Variants in AOX1 observed in about 807,000 individuals in gnomAD.
AOX1 encodes aldehyde oxidase.
Under a neutral mutation model 169.5 loss-of-function variants are expected in AOX1, and 153 were observed. That is an observed-to-expected ratio of 0.90 (90% CI 0.79 to 1.03). AOX1 has a LOEUF of 1.03. AOX1 is among the 50% of genes least tolerant of loss of function. The pLI is 0.00. For synonymous variants in AOX1, 562 were observed against 581.9 expected (o/e 0.97, Z 0.49); for missense variants, 1,656 against 1,663.9 (o/e 1.00, Z 0.08).
At chr2:200,589,703 G>A (rs922854245) in intron 1 of AOX1, among the ~76,000 whole-genome samples, 1 of 152,182 alleles carries the variant, frequency 6.6e-6, no homozygotes, top group African/African-American at 2.4e-5. Context: ...TGTTTCATTA[G>A]CAGAGCCAGA....
intron 8 of AOX1, 147 bp downstream of exon 8, chr2:200,604,244 C>A: frequency 3.1e-6 from 2 of 649,946 alleles, no homozygotes; most frequent in Non-Finnish European, 5.4e-6. Context: ...AGAGTATGGA[C>A]TAAGGAAGAG....
intron 11 of AOX1, 38 bp downstream of exon 11, chr2:200,609,173 C>G (rs202220234): frequency 6.2e-7 from 1 of 1,608,530 alleles, no homozygotes; most frequent in African/African-American, 1.3e-5. Flanking sequence ...GTATGCATCC[C>G]TTGGGTGACT....
At chr2:200,599,769 T>C (rs767820250) in intron 5 of AOX1, 23 bp downstream of exon 5, 1 of 1,444,382 alleles carries the variant, frequency 6.9e-7, no homozygotes, top group African/African-American at 1.5e-5. Context: ...TGCATGCTTT[T>C]ATTTTTTAAT....
chr2:200,615,222 G>T (rs1466514305), intron 15 of AOX1, among the ~76,000 whole-genome samples: 1 of 152,058 alleles, frequency 6.6e-6, no homozygotes, highest in African/African-American at 2.4e-5. Context: ...GCTCAAGCTG[G>T]TCTTGAACTC....
downstream of AOX1, among the ~76,000 whole-genome samples, chr2:200,673,898 C>A (rs1477963301): frequency 6.6e-6 from 1 of 152,222 alleles, no homozygotes; most frequent in Admixed American, 6.5e-5. Context: ...GGTTCTATCA[C>A]TTTTACCCCT....
At chr2:200,669,980 A>G (rs1234857621) in intron 34 of AOX1, among the ~76,000 whole-genome samples, 3 of 152,018 alleles carry the variant, frequency 2.0e-5, no homozygotes, top group Admixed American at 2.0e-4. Flanking sequence ...TTGACAAAAG[A>G]AAGTTCATTC....
chr2:200,612,675 G>C lies in AOX1; in HGVS notation c.1330G>C (p.Gly444Arg). ...GAATGCGCTAGCGATAGTCAATTCA[G>C]GAATGAGAGTCTTTTTTGGAGAAGG... Reference protein sequence around the residue: ...QENALAIVNSGMRVFFGEGDG... With the variant: ...QENALAIVNSRMRVFFGEGDG... The change falls in exon 14 of 35, where the codon GGA becomes CGA. Residue 444 changes from glycine (G) to arginine (R), a missense_variant. Gly to Arg is a moderately radical substitution (Grantham distance 125, BLOSUM62 -2). Coordinates refer to ENST00000374700, the MANE Select transcript of AOX1 (RefSeq NM_001159.4). 1 of 1,614,100 alleles carries C rather than the reference G, an allele frequency of 6.2e-7. No individual in the cohort carries two copies. Among genetic ancestry groups the C allele is most frequent in the Non-Finnish European group, 8.5e-7 (1 of 1,179,998 alleles).
At chr2:200,606,321 C>G (rs1258589932) in intron 10 of AOX1, among the ~76,000 whole-genome samples, 1 of 152,160 alleles carries the variant, frequency 6.6e-6, no homozygotes, top group Non-Finnish European at 1.5e-5. Context: ...TCTAAGGTCT[C>G]TGTTCTGTTC....
intron 4 of AOX1, among the ~76,000 whole-genome samples, chr2:200,598,406 G>C (rs1250390142): frequency 6.6e-6 from 1 of 152,056 alleles, no homozygotes; most frequent in Admixed American, 6.6e-5. Context: ...AAGTAAAAAG[G>C]CATCTTCAGA....
chr2:200,623,714 G>C, intron 18 of AOX1, 147 bp from the exon 19 acceptor site: 1 of 1,259,438 alleles, frequency 7.9e-7, no homozygotes, highest in South Asian at 1.4e-5. Context: ...TGTGGTTATA[G>C]TCATGGACAG....
At chr2:200,620,005 A>C (rs1036752331) in intron 16 of AOX1, among the ~76,000 whole-genome samples, 1 of 152,212 alleles carries the variant, frequency 6.6e-6, no homozygotes, top group African/African-American at 2.4e-5. Flanking sequence ...AAGCATTAGC[A>C]AGAGGACATA....
intron 1 of AOX1, among the ~76,000 whole-genome samples, chr2:200,590,318 GA>G (rs1450552440): frequency 6.6e-6 from 1 of 152,138 alleles, no homozygotes; most frequent in African/African-American, 2.4e-5. Flanking sequence ...CAGTGATACA[GA>G]GGGGCAGATT....
In AOX1 at chr2:200,659,979, T is replaced by C; in HGVS notation, c.3301-16T>C. 6.2e-7 allele frequency: 1 copy of C among 1,602,616 alleles called. No individual in the cohort carries two copies. The highest frequency in any genetic ancestry group is 1.1e-5 in the South Asian group (1 of 90,206). On this transcript the variant is annotated splice_polypyrimidine_tract_variant and intron_variant, in intron 28 of 34. Coordinates refer to ENST00000374700, the MANE Select transcript of AOX1 (RefSeq NM_001159.4). ...TGAAATTAGGAGCATAATTTTAATT[T>C]AAAAATAATCTCTAGGATGCCTGTC...
Position 200,609,112 on chromosome 2 carries a change from G to C in AOX1, c.1036G>C (p.Gly346Arg), listed in dbSNP as rs35128788. Residue 346 changes from glycine (G) to arginine (R), a missense_variant, in exon 11 of 35, where the codon GGG becomes CGG. Coordinates refer to ENST00000374700, the MANE Select transcript of AOX1 (RefSeq NM_001159.4). ...CCTGAAGCATTTGGGAACTCTGGCTGGGTCCCAGATCAGGAACATGGCTGT... is the reference window on the plus strand; with the variant it reads ...CCTGAAGCATTTGGGAACTCTGGCTCGGTCCCAGATCAGGAACATGGCTGT... The part of the protein sequence containing the change: ...ALLKHLGTLA[G>R]SQIRNMASLG... The C allele has an allele frequency of 5.6e-6, 9 of 1,614,040 alleles. No individual in the cohort carries two copies. In the East Asian group the frequency reaches 2.0e-4, roughly 36 times the overall value.
chr2:200,628,740 C>A (rs949812253), intron 20 of AOX1, among the ~76,000 whole-genome samples: 3 of 152,062 alleles, frequency 2.0e-5, no homozygotes, highest in African/African-American at 7.2e-5. Context: ...ACCAGCCTGG[C>A]CAAAATGGCA....
intron 3 of AOX1, among the ~76,000 whole-genome samples, chr2:200,596,957 A>G (rs1319950496): frequency 6.6e-6 from 1 of 152,040 alleles, no homozygotes; most frequent in Admixed American, 6.6e-5. Context: ...CAGTTCTTTA[A>G]TGTTTAACTT....
At chr2:200,638,345 A>C in intron 23 of AOX1, 43 bp downstream of exon 23, 1 of 1,567,116 alleles carries the variant, frequency 6.4e-7, no homozygotes, top group Non-Finnish European at 8.8e-7. Context: ...TGTTGTAGAT[A>C]CAACATCCTA....
chr2:200,676,122 C>A (rs1007229847), downstream of AOX1, among the ~76,000 whole-genome samples: 2 of 151,900 alleles, frequency 1.3e-5, no homozygotes, highest in East Asian at 3.9e-4. Flanking sequence ...AGAGGATTTT[C>A]ACTTTTTGCT....
rs913942777 is a variant in AOX1 at position 200,612,441 on chromosome 2, C to T, written c.1264-168C>T. Among the ~76,000 whole-genome samples, 5 of 152,134 alleles carry T rather than the reference C, an allele frequency of 3.3e-5. 1 individual carries two copies. Among genetic ancestry groups the T allele is most frequent in the Admixed American group, 6.5e-5 (1 of 15,278 alleles). The stretch of plus-strand genomic sequence containing the variant: ...AATGTGATACTCAACATACACATAC[C>T]GTCCAGCACGTAGGTGATGCTCAAC... On this transcript the variant is annotated intron_variant, in intron 13 of 34. Coordinates refer to ENST00000374700, the MANE Select transcript of AOX1 (RefSeq NM_001159.4).
Sources: gnomAD v4.1 joint callset for allele counts (sites outside exome capture counted in the v4.1 genomes callset) on GRCh38, gnomAD v4.1.1 for gene constraint, MANE v1.5 for transcripts, NCBI Gene and HGNC (gene_info 2026-07-23, HGNC 2026-07-21) for gene names.